The following STK31 variants were observed in gnomAD, a reference collection of about 807,000 sequenced individuals.
STK31 encodes serine/threonine-protein kinase 31.
Under a neutral mutation model 129.7 loss-of-function variants are expected in STK31, and 89 were observed. The observed-to-expected ratio is 0.69, with a 90% CI of 0.58 to 0.82. The LOEUF is 0.82. Among genes scored for constraint, STK31 ranks in the 40% least tolerant of loss-of-function variants. STK31 has a pLI of 0.00. For synonymous variants in STK31, 448 were observed against 395.3 expected, an observed-to-expected ratio of 1.13 and a Z score of -1.58; for missense variants, 1,187 against 1,176.4, an observed-to-expected ratio of 1.01 and a Z score of -0.13.
At chr7:23,808,535 T>C (rs925273415) in intron 22 of STK31, among the ~76,000 whole-genome samples, 2 of 152,142 alleles carry the variant, frequency 1.3e-5, no homozygotes, top group African/African-American at 4.8e-5. Flanking sequence ...TACTTCACAC[T>C]GCTTTGTTTC....
intron 8 of STK31, among the ~76,000 whole-genome samples, chr7:23,749,433 C>T (rs1214740397): frequency 6.6e-5 from 10 of 150,690 alleles, no homozygotes; most frequent in Non-Finnish European, 1.3e-4. Context: ...ACCTCCACCT[C>T]CCGGACTCAA....
chr7:23,824,204 T>A (rs373080769), intron 23 of STK31, among the ~76,000 whole-genome samples: 3 of 152,142 alleles, frequency 2.0e-5, no homozygotes, highest in Non-Finnish European at 4.4e-5. Flanking sequence ...GGCCATTTTC[T>A]CGATATTGAT....
chr7:23,726,330 A>G (rs1338879169), intron 4 of STK31: 3 of 149,644 alleles, frequency 2.0e-5, no homozygotes, highest in African/African-American at 7.4e-5. Context: ...GCCACTCAAC[A>G]CAGACTCATC....
At chr7:23,787,949 C>A in intron 20 of STK31, 31 bp from the exon 21 acceptor site, 2 of 1,478,316 alleles carry the variant, frequency 1.4e-6, no homozygotes, top group Non-Finnish European at 9.0e-7. Context: ...TTGCCTACTT[C>A]CTCACTTCTT....
intron 23 of STK31, among the ~76,000 whole-genome samples, chr7:23,816,038 T>G (rs919726894): frequency 2.0e-5 from 3 of 152,146 alleles, no homozygotes; most frequent in African/African-American, 4.8e-5. Flanking sequence ...ACCACACAAA[T>G]ATTGTATAAT....
intron 15 of STK31, among the ~76,000 whole-genome samples, chr7:23,778,394 T>C (rs1225869594): frequency 6.6e-6 from 1 of 152,204 alleles, no homozygotes; most frequent in Non-Finnish European, 1.5e-5. Flanking sequence ...TCCTGCTAGG[T>C]TGGGGAAGTT....
chr7:23,814,838 T>G (rs1465914771), intron 22 of STK31, among the ~76,000 whole-genome samples: 1 of 152,120 alleles, frequency 6.6e-6, no homozygotes, highest in Non-Finnish European at 1.5e-5. Flanking sequence ...TGTACCTAAT[T>G]TTTGAGTATT....
chr7:23,799,183 G>C (rs1357349280), intron 22 of STK31, among the ~76,000 whole-genome samples: 1 of 152,164 alleles, frequency 6.6e-6, no homozygotes, highest in Non-Finnish European at 1.5e-5. Context: ...GTAATATGTA[G>C]ATTCAGTGCT....
At chr7:23,785,383 C>A in intron 17 of STK31, 95 bp from the exon 18 acceptor site, 1 of 1,513,420 alleles carries the variant, frequency 6.6e-7, no homozygotes, top group Non-Finnish European at 9.0e-7. Flanking sequence ...TTGATGGTGT[C>A]CAAGTCATTT....
rs570295874 is a variant in STK31 at position 23,718,485 on chromosome 7, C to T, written c.249+906C>T. 1.5e-4 allele frequency among the ~76,000 whole-genome samples: 23 copies of T among 152,172 alleles called. No homozygotes were observed. The South Asian group carries it at 4.8e-3, about 32-fold the overall frequency. On this transcript the variant is annotated intron_variant, in intron 4 of 23. Coordinates refer to ENST00000355870, the MANE Select transcript of STK31 (RefSeq NM_031414.5). ...TATCATTTCAGAAAATTCCTTCGGG[C>T]CCCTTCTCAGTCAATTCTTAGTCAG...
In STK31 at chr7:23,832,304, A is replaced by G. The variant is rs1437373915; in HGVS notation, c.2998A>G (p.Thr1000Ala). 1.2e-6 allele frequency: 2 copies of G among 1,613,990 alleles called. No homozygotes were observed. Among genetic ancestry groups the G allele is most frequent in the South Asian group, 1.1e-5 (1 of 91,076 alleles). ...TLYKKEEEIKTENLDKCMEKT... is the reference protein window; with the variant it reads ...TLYKKEEEIKAENLDKCMEKT... ...ATATAAAAAGGAAGAAGAAATAAAG[A>G]CGGAGAACTTGGATAAATGTATGGA... Residue 1000 changes from threonine (T) to alanine (A), a missense_variant, in exon 24 of 24, where the codon ACG becomes GCG. Thr to Ala is a moderately conservative substitution (Grantham distance 58, BLOSUM62 0). Around this residue, in one of 5 missense-constraint regions of STK31, gnomAD observed 975 missense variants for 934.9 expected, o/e 1.04. Coordinates refer to ENST00000355870, the MANE Select transcript of STK31 (RefSeq NM_031414.5).
At chr7:23,824,746 C>G (rs28837693) in intron 23 of STK31, among the ~76,000 whole-genome samples, 21,562 of 151,506 alleles carry the variant, frequency 0.14, 1,869 homozygotes, top group Middle Eastern at 0.21. Context: ...GTCATAGATA[C>G]CTCTTATTAT....
At chr7:23,817,355 T>C (rs976617322) in intron 23 of STK31, among the ~76,000 whole-genome samples, 2 of 152,154 alleles carry the variant, frequency 1.3e-5, no homozygotes, top group Non-Finnish European at 2.9e-5. Context: ...GAAAATGAGA[T>C]TAATAATTTA....
At chr7:23,774,361 T>A (rs977932752) in intron 15 of STK31, among the ~76,000 whole-genome samples, 3 of 152,208 alleles carry the variant, frequency 2.0e-5, no homozygotes, top group Non-Finnish European at 2.9e-5. Flanking sequence ...TGCCACACTG[T>A]CTTCCACAAT....
intron 6 of STK31, among the ~76,000 whole-genome samples, chr7:23,730,814 A>G (rs1201493563): frequency 1.4e-5 from 2 of 141,544 alleles, no homozygotes; most frequent in South Asian, 2.3e-4. Context: ...ATGTTTTTGT[A>G]TGTTTCAAAG....
At chr7:23,725,402 G>A (rs1787000085) in intron 4 of STK31, among the ~76,000 whole-genome samples, 1 of 131,946 alleles carries the variant, frequency 7.6e-6, no homozygotes, top group African/African-American at 2.9e-5. Context: ...AAAAAAGCTA[G>A]GTATGGTATG....
chr7:23,807,615 T>G (rs1181517863), intron 22 of STK31, among the ~76,000 whole-genome samples: 1 of 152,158 alleles, frequency 6.6e-6, no homozygotes, highest in Non-Finnish European at 1.5e-5. Context: ...AGCAATTATT[T>G]ACTCAAATGC....
chr7:23,825,178 A>G (rs1322181378), intron 23 of STK31, among the ~76,000 whole-genome samples: 1 of 152,194 alleles, frequency 6.6e-6, no homozygotes, highest in African/African-American at 2.4e-5. Flanking sequence ...GAATGGTACC[A>G]GCTCCTCCTT....
At chr7:23,799,831 T>C (rs1365524432) in intron 22 of STK31, among the ~76,000 whole-genome samples, 4 of 152,110 alleles carry the variant, frequency 2.6e-5, no homozygotes, top group African/African-American at 9.7e-5. Context: ...ATTTTTGCAA[T>C]CTACCCATCT....
Sources: gnomAD v4.1 joint callset for allele counts (sites outside exome capture counted in the v4.1 genomes callset) on GRCh38, gnomAD v4.1.1 for gene constraint, gnomAD v4.1.1 regional missense constraint, MANE v1.5 for transcripts, NCBI Gene and HGNC (gene_info 2026-07-23, HGNC 2026-07-21) for gene names.